Variants in ZFR2 observed in about 807,000 individuals in gnomAD.
ZFR2 encodes the protein zinc finger RNA-binding protein 2.
In ZFR2, 104 loss-of-function variants were observed where a neutral mutation model predicts 105.7. The observed-to-expected ratio is 0.98, with a 90% CI of 0.84 to 1.16. ZFR2 has a LOEUF of 1.16. Ranked by LOEUF, ZFR2 falls within the 50% of genes most tolerant of loss-of-function variation. The pLI is 0.00. For synonymous variants in ZFR2, 634 were observed against 597.7 expected (o/e 1.06, Z -0.89); for missense variants, 1,425 against 1,355.5 (o/e 1.05, Z -0.80).
chr19:3,853,626 G>A (rs1794855835), intron 1 of ZFR2, among the ~76,000 whole-genome samples: 1 of 152,202 alleles, frequency 6.6e-6, no homozygotes, highest in Non-Finnish European at 1.5e-5. Flanking sequence ...GTCCAGGAGA[G>A]GCCAATCCAC....
At chr19:3,807,656 CGT>C (rs1336187098) in intron 17 of ZFR2, among the ~76,000 whole-genome samples, 15 of 150,780 alleles carry the variant, frequency 9.9e-5, no homozygotes, top group African/African-American at 9.8e-5. Flanking sequence ...CATGTGTGCC[CGT>C]GTGTGCACCC....
At chr19:3,811,162 G>T in intron 15 of ZFR2, 110 bp downstream of exon 15, 1 of 1,104,750 alleles carries the variant, frequency 9.1e-7, no homozygotes, top group Non-Finnish European at 1.3e-6. Context: ...GTCCCGGTCT[G>T]CGCTGGGAGC....
rs983352699 is a variant in ZFR2 at position 3,823,547 on chromosome 19, C to T, written c.1214-144G>A. The T allele has an allele frequency of 3.6e-6, 3 of 825,214 alleles. No individual in the cohort carries two copies. Among genetic ancestry groups the T allele is most frequent in the African/African-American group, 1.7e-5 (1 of 57,786 alleles). The allele number at this position is 825,214 out of a possible 1,614,324, so 51.1% of individuals were successfully genotyped here. Reference sequence around the variant, plus strand: ...CCTCCTGTGATGTCAGGGGGAATGGCCCCGGACAGCAACCTCGCTCTCCCT... The same window carrying T: ...CCTCCTGTGATGTCAGGGGGAATGGTCCCGGACAGCAACCTCGCTCTCCCT... On this transcript the variant is annotated intron_variant, in intron 7 of 18. Coordinates refer to ENST00000262961, the MANE Select transcript of ZFR2 (RefSeq NM_015174.2). The surrounding 1 kb of genome is among the most constrained non-coding windows in gnomAD (Gnocchi z 5.4).
chr19:3,824,627 C>T (rs1010491379), intron 7 of ZFR2, among the ~76,000 whole-genome samples: 7 of 152,096 alleles, frequency 4.6e-5, no homozygotes, highest in Non-Finnish European at 7.4e-5. Context: ...CCCCAGCACC[C>T]GGCACCAGGC....
chr19:3,821,132 C>T lies in ZFR2; in HGVS notation c.1631+208G>A, dbSNP rs545612184. On this transcript the variant is annotated intron_variant, in intron 10 of 18. Coordinates refer to ENST00000262961, the MANE Select transcript of ZFR2 (RefSeq NM_015174.2). ...GGCCCTGGAGCCCACGTGTCAGGTC[C>T]GCACGCCACTGTGCCCTTGCCCGTC... Among the ~76,000 whole-genome samples, 54 of 152,238 alleles carry T rather than the reference C, an allele frequency of 3.5e-4. 1 individual carries two copies. The highest frequency in any genetic ancestry group is 1.2e-3 in the African/African-American group (49 of 41,530).
chr19:3,863,924 G>A (rs1216524863), intron 1 of ZFR2, among the ~76,000 whole-genome samples: 4 of 152,128 alleles, frequency 2.6e-5, no homozygotes, highest in African/African-American at 4.8e-5. Flanking sequence ...CAAGGATCAC[G>A]TGAGGGCTCA....
chr19:3,826,820 G>A (rs540957570), intron 6 of ZFR2, among the ~76,000 whole-genome samples: 4 of 152,286 alleles, frequency 2.6e-5, no homozygotes, highest in East Asian at 1.9e-4. Context: ...AGGGAACACA[G>A]CATTGGGTCT....
intron 5 of ZFR2, among the ~76,000 whole-genome samples, chr19:3,831,063 G>A (rs1427895712): frequency 6.6e-6 from 1 of 150,996 alleles, no homozygotes; most frequent in African/African-American, 2.4e-5. Context: ...GCACACTCAC[G>A]TTTGCACACA....
chr19:3,813,698 G>C lies in ZFR2; in HGVS notation c.2242+122C>G, dbSNP rs1033890786. The C allele has an allele frequency of 1.5e-6, 2 of 1,370,878 alleles. No homozygotes were observed. Among genetic ancestry groups the C allele is most frequent in the African/African-American group, 2.9e-5 (2 of 69,346 alleles). The allele number at this position is 1,370,878 out of a possible 1,614,324, so 84.9% of individuals were successfully genotyped here. A position where few individuals can be genotyped will look rare whatever the true frequency, so the allele number is the denominator to read the frequency against. ...TCCTCAGGGGGACAGCAGTGCTGGA[G>C]CGTGGCTGCTGTGGCATTTCCTGCT... On this transcript the variant is annotated intron_variant, in intron 14 of 18. Coordinates refer to ENST00000262961, the MANE Select transcript of ZFR2 (RefSeq NM_015174.2). The surrounding 1 kb of genome is among the most constrained non-coding windows in gnomAD (Gnocchi z 4.4).
At chr19:3,833,896 C>G in intron 2 of ZFR2, 118 bp from the exon 3 acceptor site, 5 of 792,262 alleles carry the variant, frequency 6.3e-6, no homozygotes, top group South Asian at 1.8e-5. Flanking sequence ...AGCGCTGGCT[C>G]CTAAGCGTCT....
chr19:3,852,915 A>G (rs189773956), intron 1 of ZFR2, among the ~76,000 whole-genome samples: 12 of 152,310 alleles, frequency 7.9e-5, no homozygotes, highest in Admixed American at 7.2e-4. Flanking sequence ...GAGGCCAGGG[A>G]CGCTGTTCAG....
Position 3,838,131 on chromosome 19 carries a change from T to C in ZFR2, c.54-3148A>G, listed in dbSNP as rs1016673524. 6.7e-6 allele frequency among the ~76,000 whole-genome samples: 1 copy of C among 149,666 alleles called. No homozygotes were observed. The highest frequency in any genetic ancestry group is 2.5e-5 in the African/African-American group (1 of 40,422). On this transcript the variant is annotated intron_variant, in intron 1 of 18. Coordinates refer to ENST00000262961, the MANE Select transcript of ZFR2 (RefSeq NM_015174.2). This position sits in a 1 kb window ranked among gnomAD's most constrained non-coding sequence, Gnocchi z 4.9. Reference sequence around the variant, plus strand: ...CGTGACACTCGATGAACACCGTGACTGTGACACACAATGAACACCGTGACT... The same window carrying C: ...CGTGACACTCGATGAACACCGTGACCGTGACACACAATGAACACCGTGACT...
chr19:3,862,865 C>T (rs1159486284), intron 1 of ZFR2, among the ~76,000 whole-genome samples: 1 of 152,212 alleles, frequency 6.6e-6, no homozygotes, highest in East Asian at 1.9e-4. Context: ...GGCAAGTTCC[C>T]CCCTCGCTCC....
intron 1 of ZFR2, among the ~76,000 whole-genome samples, chr19:3,847,184 C>T (rs1015891544): frequency 6.6e-6 from 1 of 152,200 alleles, no homozygotes; most frequent in Non-Finnish European, 1.5e-5. Context: ...GCGGCACACA[C>T]AGCAGGTGAA....
intron 5 of ZFR2, among the ~76,000 whole-genome samples, chr19:3,830,742 A>G (rs1050866518): frequency 1.3e-5 from 2 of 150,046 alleles, no homozygotes; most frequent in African/African-American, 4.8e-5. Flanking sequence ...GTGTTTTGCA[A>G]AGACAGAGCT....
At chr19:3,836,388 G>C (rs948666494) in intron 1 of ZFR2, among the ~76,000 whole-genome samples, 1 of 152,048 alleles carries the variant, frequency 6.6e-6, no homozygotes, top group Non-Finnish European at 1.5e-5. Flanking sequence ...TCAGTGCTAC[G>C]ATCACAGCCC....
At position 3,820,194 on chromosome 19, in the gene ZFR2, G is replaced by A. The variant is rs539740816; in HGVS notation, c.1728C>T (p.Ser576=). The change falls in exon 11 of 19, where the codon AGC becomes AGT. Residue 576 remains serine (S), a synonymous_variant. Coordinates refer to ENST00000262961, the MANE Select transcript of ZFR2 (RefSeq NM_015174.2). ...AAACTGTACCTACCTGGAGTGGGGC[G>A]CTGGCGGGTGACTCCGGCCTGCCCA... The part of the protein sequence containing the change: ...LLMGRPESPA[S]APLQPGRRPA... 7.7e-6 allele frequency: 12 copies of A among 1,552,378 alleles called. No individual in the cohort carries two copies. The highest frequency in any genetic ancestry group is 5.9e-5 in the South Asian group (5 of 84,176).
At chr19:3,812,582 C>T (rs1599221068) in intron 14 of ZFR2, among the ~76,000 whole-genome samples, 1 of 152,032 alleles carries the variant, frequency 6.6e-6, no homozygotes, top group East Asian at 1.9e-4. Flanking sequence ...CTAGTGGCCG[C>T]CAACCCTTAA....
Position 3,811,287 on chromosome 19 carries a change from A to G in ZFR2, c.2322T>C (p.His774=). 1.3e-6 allele frequency: 2 copies of G among 1,598,658 alleles called. No individual in the cohort carries two copies. The highest frequency in any genetic ancestry group is 1.1e-5 in the South Asian group (1 of 88,010). Residue 774 remains histidine (H), a synonymous_variant, in exon 15 of 19, where the codon CAT becomes CAC. Transcript: ENST00000262961. Reference sequence around the variant, plus strand: ...CCCCCCTGACCTGAAACCACCTGGCATGACGGAGGGCGGCCAGGGACTCGA... The same window carrying G: ...CCCCCCTGACCTGAAACCACCTGGCGTGACGGAGGGCGGCCAGGGACTCGA... ...KCLESLAALR[H]ARWFQARASG... is the part of the protein sequence containing the mutation.
Sources: gnomAD v4.1 joint callset for allele counts (sites outside exome capture counted in the v4.1 genomes callset) on GRCh38, gnomAD v4.1.1 for gene constraint, Gnocchi (gnomAD v3.1) non-coding constraint, MANE v1.5 for transcripts, NCBI Gene and HGNC (gene_info 2026-07-23, HGNC 2026-07-21) for gene names.